Variants in ADD3 observed in about 807,000 individuals in gnomAD.
The protein encoded by ADD3 is gamma-adducin.
In ADD3, 25 loss-of-function variants were observed where a neutral mutation model predicts 80.2. The ratio of observed to expected loss-of-function variants is 0.31; its 90% CI spans 0.23 to 0.44. The LOEUF (loss-of-function observed/expected upper bound fraction) is 0.44, where lower values mean the gene tolerates loss of function less well. ADD3 is among the 20% of genes least tolerant of loss of function. The pLI, the probability that ADD3 is intolerant of heterozygous loss-of-function variation, is 1.00. For synonymous variants in ADD3, 284 were observed against 289.6 expected (o/e 0.98, Z 0.20); for missense variants, 829 against 847.5 (o/e 0.98, Z 0.27).
Position 110,133,353 on chromosome 10 carries a change from T to A in ADD3, c.1856T>A (p.Phe619Tyr). The change falls in exon 15 of 15, where the codon TTC (phenylalanine) becomes TAC (tyrosine). Residue 619 changes from phenylalanine (F) to tyrosine (Y), a missense_variant. Coordinates refer to ENST00000356080, the MANE Select transcript of ADD3 (RefSeq NM_016824.5). ...AACCATGAGCTGTTTTCCAAGAGCTTCATCTCCATGGAAGTGCCTGTCATG... is the reference window on the plus strand; with the variant it reads ...AACCATGAGCTGTTTTCCAAGAGCTACATCTCCATGGAAGTGCCTGTCATG... ...EENHELFSKSFISMEVPVMVV... is the reference protein window; with the variant it reads ...EENHELFSKSYISMEVPVMVV... 6.3e-7 allele frequency: 1 copy of A among 1,592,436 alleles called. No individual in the cohort carries two copies. The highest frequency in any genetic ancestry group is 8.6e-7 in the Non-Finnish European group (1 of 1,163,288).
Position 110,048,940 on chromosome 10 carries a change from T to C in ADD3, c.-30+40641T>C, listed in dbSNP as rs141961649. On this transcript the variant is annotated intron_variant, in intron 1 of 14. Transcript: ENST00000356080. ...GTTTCCAGGGGATGTCAGAAAACTT[T>C]GTGCCAGCCCCTCCCATCACAGGCC... Among the ~76,000 whole-genome samples, 1,075 of 152,310 alleles carry C rather than the reference T, an allele frequency of 7.1e-3. 9 individuals are homozygous for C. The highest frequency in any genetic ancestry group is 0.013 in the Non-Finnish European group (868 of 68,020).
chr10:110,113,930 T>G (rs2134066499), intron 3 of ADD3, among the ~76,000 whole-genome samples: 1 of 152,282 alleles, frequency 6.6e-6, no homozygotes, highest in East Asian at 1.9e-4. Context: ...CTCAAAGCTG[T>G]GGACATTGAT....
chr10:110,105,538 C>G (rs756799490), intron 2 of ADD3, among the ~76,000 whole-genome samples: 1 of 152,160 alleles, frequency 6.6e-6, no homozygotes, highest in Non-Finnish European at 1.5e-5. Context: ...GACTGCTTAA[C>G]AAAACAGTTG....
chr10:109,996,464 T>C (rs1046707942), intron 1 of ADD3: 1 of 152,224 alleles, frequency 6.6e-6, no homozygotes, highest in African/African-American at 2.4e-5. Flanking sequence ...ATTAATTTCT[T>C]AGCGTTTTAA....
upstream of ADD3, among the ~76,000 whole-genome samples, chr10:110,006,466 T>A (rs1038895413): frequency 6.6e-6 from 1 of 152,222 alleles, no homozygotes; most frequent in African/African-American, 2.4e-5. Flanking sequence ...CAGATATTTT[T>A]AAATACCAAA....
At chr10:110,088,927 G>T (rs1847135120) in intron 1 of ADD3, among the ~76,000 whole-genome samples, 1 of 152,052 alleles carries the variant, frequency 6.6e-6, no homozygotes, top group Non-Finnish European at 1.5e-5. Context: ...CCTTTTCAAT[G>T]CATATTTATT....
upstream of ADD3, among the ~76,000 whole-genome samples, chr10:110,002,394 C>T (rs2133682087): frequency 6.6e-6 from 1 of 152,210 alleles, no homozygotes; most frequent in East Asian, 1.9e-4. Context: ...CTGCCTCAGC[C>T]TCCTGAGTAG....
chr10:110,096,274 A>T (rs1848140139), intron 1 of ADD3, among the ~76,000 whole-genome samples: 1 of 152,190 alleles, frequency 6.6e-6, no homozygotes. Context: ...CATTCTTGTT[A>T]GTTTGTGCTC....
chr10:110,114,824 T>C (rs968398288), intron 3 of ADD3, among the ~76,000 whole-genome samples: 4 of 152,154 alleles, frequency 2.6e-5, no homozygotes, highest in African/African-American at 9.7e-5. Flanking sequence ...ATGTCTGTAA[T>C]CCTAGCACTT....
At chr10:110,023,104 G>C (rs965628654) in intron 1 of ADD3, among the ~76,000 whole-genome samples, 4 of 152,152 alleles carry the variant, frequency 2.6e-5, no homozygotes, top group Non-Finnish European at 5.9e-5. Flanking sequence ...TTGGCAAAGA[G>C]GTTAGGAGGC....
chr10:110,118,892 A>G (rs2134118398), intron 6 of ADD3, among the ~76,000 whole-genome samples, 156 bp downstream of exon 6: 1 of 152,368 alleles, frequency 6.6e-6, no homozygotes, highest in South Asian at 2.1e-4. Flanking sequence ...ACCAAATGCT[A>G]CCATTCTAGG....
exon 1 of ADD3, chr10:109,996,373 A>C (rs1208505428): frequency 6.6e-6 from 1 of 152,164 alleles, no homozygotes; most frequent in Non-Finnish European, 1.5e-5. Context: ...TTGTTACTTT[A>C]GTTTCAGTAA....
At chr10:110,038,759 G>A (rs7919787) in intron 1 of ADD3, among the ~76,000 whole-genome samples, 142,283 of 152,268 alleles carry the variant, frequency 0.93, 66,705 homozygotes, top group East Asian at 1. Context: ...TGAAAATTAT[G>A]TTTGTAAACT....
chr10:110,119,879 A>T (rs1851240597), intron 8 of ADD3, among the ~76,000 whole-genome samples: 1 of 152,192 alleles, frequency 6.6e-6, no homozygotes, highest in Non-Finnish European at 1.5e-5. Context: ...TAAGGAAGAA[A>T]AACAGCTGCA....
chr10:110,103,985 T>C lies in ADD3; in HGVS notation c.195+3137T>C, dbSNP rs543984664. On this transcript the variant is annotated intron_variant, in intron 2 of 14. Transcript: ENST00000356080. Reference sequence around the variant, plus strand: ...CACCTCCTAAAAAGTCTTATCCCATTCCAACATTAGCTTGAATCCAGAATC... The same window carrying C: ...CACCTCCTAAAAAGTCTTATCCCATCCCAACATTAGCTTGAATCCAGAATC... Among the ~76,000 whole-genome samples, 4 of 152,292 alleles carry C rather than the reference T, an allele frequency of 2.6e-5. No homozygotes were observed. The South Asian group carries it at 8.3e-4, about 32-fold the overall frequency.
At chr10:110,063,737 T>TTATA (rs139871560) in intron 1 of ADD3, among the ~76,000 whole-genome samples, 1,824 of 63,590 alleles carry the variant, frequency 0.029, 93 homozygotes, top group Non-Finnish European at 0.038. Context: ...TATATATTCA[T>TTATA]TATATATATA....
chr10:110,075,264 A>AGGG (rs1845254181), intron 1 of ADD3, among the ~76,000 whole-genome samples: 1 of 152,132 alleles, frequency 6.6e-6, no homozygotes, highest in Non-Finnish European at 1.5e-5. Flanking sequence ...CTTTATTGGA[A>AGGG]GGGTGATATT....
At chr10:110,009,723 T>C (rs900624468) in intron 1 of ADD3, among the ~76,000 whole-genome samples, 1 of 152,338 alleles carries the variant, frequency 6.6e-6, no homozygotes, top group Middle Eastern at 3.4e-3. Flanking sequence ...TCTTCATCTT[T>C]CTGAAGAGTT....
At chr10:110,019,511 C>T (rs1318208288) in intron 1 of ADD3, among the ~76,000 whole-genome samples, 9 of 151,992 alleles carry the variant, frequency 5.9e-5, no homozygotes, top group Non-Finnish European at 1.3e-4. Context: ...CCCGCCACCA[C>T]GCCCGGCTAA....
Sources: allele counts gnomAD v4.1 joint callset (sites outside exome capture counted in the v4.1 genomes callset), GRCh38; gene constraint gnomAD v4.1.1; transcripts MANE v1.5; gene names NCBI Gene and HGNC (gene_info 2026-07-23, HGNC 2026-07-21).